Variants in BRD4 observed in about 807,000 individuals in gnomAD.
BRD4 encodes bromodomain containing 4.
BRD4 carries 16 observed loss-of-function variants against 142.1 expected under a neutral mutation model. The observed-to-expected ratio is 0.11, with a 90% CI of 0.08 to 0.17. BRD4 has a LOEUF of 0.17. BRD4 is among the 10% of genes least tolerant of loss of function. BRD4 has a pLI of 1.00. For synonymous variants in BRD4, 833 were observed against 707.5 expected (o/e 1.18, Z -2.82); for missense variants, 1,424 against 1,810.9 (o/e 0.79, Z 3.88).
intron 11 of BRD4, among the ~76,000 whole-genome samples, chr19:15,252,103 C>T (rs895367731): frequency 3.3e-5 from 5 of 152,156 alleles, no homozygotes; most frequent in East Asian, 1.9e-4. Context: ...ATCTCGGCAG[C>T]GGCAGGAGGG....
chr19:15,281,376 T>C (rs1185907558), intron 1 of BRD4, among the ~76,000 whole-genome samples: 2 of 152,230 alleles, frequency 1.3e-5, no homozygotes, highest in Non-Finnish European at 2.9e-5. Flanking sequence ...TCAAGCTCTC[T>C]GTTCCCCACT....
In BRD4 at chr19:15,244,566, G is replaced by A. The variant is rs1257481812; in HGVS notation, c.2246C>T (p.Ala749Val). ...CGGCTGCTGGGGCACAGGAGCCGGG[G>A]CCTGCTGCATCTGCTGATGGTGGTG... ...HHHHHQQMQQ[A>V]PAPVPQQPPP... Residue 749 changes from alanine to valine, a missense_variant, in exon 13 of 20, where the codon GCC becomes GTC. By Grantham distance (64) the Ala-to-Val change is moderately conservative. Transcript: ENST00000679869. 2 of 1,605,932 alleles carry A rather than the reference G, an allele frequency of 1.2e-6. No homozygotes were observed. The highest frequency in any genetic ancestry group is 4.5e-5 in the East Asian group (2 of 44,824).
At chr19:15,299,412 C>T (rs1157145070) in intron 1 of BRD4, among the ~76,000 whole-genome samples, 1 of 152,208 alleles carries the variant, frequency 6.6e-6, no homozygotes, top group African/African-American at 2.4e-5. Flanking sequence ...TCCACACATT[C>T]CGCACACAGA....
intron 11 of BRD4, chr19:15,253,877 C>T (rs979989209): frequency 1.2e-5 from 13 of 1,124,488 alleles, no homozygotes; most frequent in Non-Finnish European, 1.5e-5. Context: ...TCCAGGGCTC[C>T]GCAGTGTCAA....
At position 15,257,114 on chromosome 19, in the gene BRD4, G is replaced by A. The variant is rs774896276; in HGVS notation, c.1401C>T (p.Ala467=). ...MPDEPEEPVV[A]VSSPAVPPPT... ...GAGGGGGCACTGCCGGGGAGGACAC[G>A]GCCACCACTGGCTCCTCAGGCTCGT... Residue 467 remains alanine (A), a synonymous_variant, in exon 8 of 20, where the codon GCC becomes GCT. Transcript: ENST00000679869. 37 of 1,608,968 alleles carry A rather than the reference G, an allele frequency of 2.3e-5. No individual in the cohort carries two copies. The highest frequency in any genetic ancestry group is 3.0e-5 in the Non-Finnish European group (35 of 1,179,582).
chr19:15,292,943 G>GTTAA (rs2047795665), intron 1 of BRD4, among the ~76,000 whole-genome samples: 1 of 152,016 alleles, frequency 6.6e-6, no homozygotes. Flanking sequence ...ACTGCTGGTA[G>GTTAA]TTAATGTCCT....
rs1200999524 is a variant in BRD4 at position 15,256,252 on chromosome 19, C to T, written c.1563G>A (p.Val521=). 6.2e-7 allele frequency: 1 copy of T among 1,612,494 alleles called. No homozygotes were observed. The highest frequency in any genetic ancestry group is 8.5e-7 in the Non-Finnish European group (1 of 1,179,888). ...LAELQEQLKA[V]HEQLAALSQP... ...GAGAGAGGGCTGCAAGCTGCTCGTG[C>T]ACGGCTTTGAGCTGTAGACCAGACA... is the stretch of plus-strand genomic sequence containing the variant. The change falls in exon 9 of 20, where the codon GTG becomes GTA. Residue 521 remains valine, a synonymous_variant. Coordinates refer to ENST00000679869, the MANE Select transcript of BRD4 (RefSeq NM_001379291.1).
chr19:15,277,381 G>T (rs2047658798), intron 1 of BRD4, among the ~76,000 whole-genome samples: 1 of 152,130 alleles, frequency 6.6e-6, no homozygotes, highest in African/African-American at 2.4e-5. Flanking sequence ...AACTCAGATG[G>T]CATTGCAGGA....
At chr19:15,250,121 T>C (rs895137617) in intron 11 of BRD4, among the ~76,000 whole-genome samples, 13 of 152,092 alleles carry the variant, frequency 8.5e-5, no homozygotes, top group African/African-American at 2.7e-4. Context: ...AGTGCGGGCA[T>C]GGGAAAAACC....
At chr19:15,247,880 G>A (rs1373641689) in intron 11 of BRD4, 2 of 229,258 alleles carry the variant, frequency 8.7e-6, no homozygotes, top group East Asian at 1.2e-4. Context: ...CAGGGCCCCG[G>A]GAGGCCCTGG....
chr19:15,329,113 A>C (rs2048135131), intron 1 of BRD4, among the ~76,000 whole-genome samples: 1 of 151,006 alleles, frequency 6.6e-6, no homozygotes, highest in African/African-American at 2.4e-5. Flanking sequence ...AGGAAATTTT[A>C]TCTTTCCAAA....
intron 6 of BRD4, chr19:15,264,151 G>A: frequency 4.4e-6 from 2 of 456,924 alleles, no homozygotes; most frequent in South Asian, 3.8e-5. Flanking sequence ...CAGAGGGCTT[G>A]TCTTGCTTTT....
At chr19:15,248,077 C>A in intron 11 of BRD4, 1 of 219,512 alleles carries the variant, frequency 4.6e-6, no homozygotes, top group East Asian at 6.6e-5. Flanking sequence ...CACCCACAAT[C>A]TACACTTTAA....
chr19:15,307,557 G>A (rs958311361), intron 1 of BRD4, among the ~76,000 whole-genome samples: 1 of 152,182 alleles, frequency 6.6e-6, no homozygotes, highest in Non-Finnish European at 1.5e-5. Flanking sequence ...GAGGTACAGA[G>A]ATCTTTAAGC....
intron 1 of BRD4, among the ~76,000 whole-genome samples, chr19:15,294,074 T>TG (rs2047804717): frequency 1.3e-5 from 2 of 152,212 alleles, no homozygotes. Context: ...GACTGAGGGC[T>TG]GGGGGCTCCT....
chr19:15,252,126 C>T (rs1241919748), intron 11 of BRD4, among the ~76,000 whole-genome samples: 2 of 152,104 alleles, frequency 1.3e-5, no homozygotes, highest in African/African-American at 2.4e-5. Context: ...GTGGGGCACT[C>T]GTTCAGGAAA....
At chr19:15,307,201 C>A (rs1186731146) in intron 1 of BRD4, among the ~76,000 whole-genome samples, 1 of 152,194 alleles carries the variant, frequency 6.6e-6, no homozygotes, top group African/African-American at 2.4e-5. Flanking sequence ...GAAAGGCTAA[C>A]CAAAACACTG....
chr19:15,325,816 T>A (rs2048102596), intron 1 of BRD4, among the ~76,000 whole-genome samples: 1 of 151,560 alleles, frequency 6.6e-6, no homozygotes, highest in Non-Finnish European at 1.5e-5. Flanking sequence ...CTGACCAACA[T>A]GGAGAAACCC....
chr19:15,310,970 G>A (rs570586095), intron 1 of BRD4, among the ~76,000 whole-genome samples: 6 of 151,928 alleles, frequency 3.9e-5, no homozygotes, highest in African/African-American at 1.4e-4. Flanking sequence ...CCGCACCCAC[G>A]TTCTTAGTTC....
Sources: gnomAD v4.1 joint callset for allele counts (sites outside exome capture counted in the v4.1 genomes callset) on GRCh38, gnomAD v4.1.1 for gene constraint, MANE v1.5 for transcripts, NCBI Gene and HGNC (gene_info 2026-07-23, HGNC 2026-07-21) for gene names.